PTN: variants seen among roughly 807,000 people sequenced by gnomAD.
The protein encoded by PTN is heparin affin regulatory protein.
In PTN, 18 loss-of-function variants were observed where a neutral mutation model predicts 24.1. That is an observed-to-expected ratio of 0.75 (90% CI 0.52 to 1.11). The LOEUF (loss-of-function observed/expected upper bound fraction) is 1.11, where lower values mean the gene tolerates loss of function less well. Ranked by LOEUF, PTN falls within the 50% of genes least tolerant of loss-of-function variation. The pLI, the probability that PTN is intolerant of heterozygous loss-of-function variation, is 0.00. For missense variants in PTN, 163 were observed against 198.8 expected (o/e 0.82, Z 1.08); for synonymous variants, 78 against 68.6 (o/e 1.14, Z -0.67).
intron 4 of PTN, among the ~76,000 whole-genome samples, chr7:137,243,929 G>A (rs1808677414): frequency 6.6e-6 from 1 of 152,126 alleles, no homozygotes; most frequent in South Asian, 2.1e-4. Flanking sequence ...ATTATTCCTG[G>A]TCTTGCGGCA....
intron 4 of PTN, among the ~76,000 whole-genome samples, chr7:137,248,370 C>T (rs1400703242): frequency 6.6e-6 from 1 of 152,038 alleles, no homozygotes; most frequent in African/African-American, 2.4e-5. Flanking sequence ...GACACATCTC[C>T]CTGGTTCAAC....
chr7:137,262,308 T>C (rs1030000405), intron 1 of PTN, among the ~76,000 whole-genome samples: 8 of 152,190 alleles, frequency 5.3e-5, no homozygotes, highest in Non-Finnish European at 8.8e-5. Context: ...CTTCAATTTA[T>C]CTTAAGGTAT....
intron 4 of PTN, among the ~76,000 whole-genome samples, chr7:137,234,189 C>T (rs943635128): frequency 1.3e-5 from 2 of 151,874 alleles, no homozygotes; most frequent in Non-Finnish European, 2.9e-5. Flanking sequence ...AAGTAATATT[C>T]CTTTATATTA....
At chr7:137,267,448 G>C (rs1375236622) in intron 1 of PTN, among the ~76,000 whole-genome samples, 1 of 152,036 alleles carries the variant, frequency 6.6e-6, no homozygotes, top group African/African-American at 2.4e-5. Context: ...ACGGAAACTG[G>C]TCTGCGTGCC....
At position 137,329,945 on chromosome 7, in the gene PTN, G is replaced by A. The variant is rs944183365; in HGVS notation, c.-2+13494C>T. Among the ~76,000 whole-genome samples, 4 of 152,154 alleles carry A rather than the reference G, an allele frequency of 2.6e-5. No homozygotes were observed. The East Asian group carries it at 5.8e-4, about 22-fold the overall frequency. On this transcript the variant is annotated intron_variant, in intron 1 of 4. Coordinates refer to ENST00000348225, the MANE Select transcript of PTN (RefSeq NM_002825.7). ...TCCTTTAAGTATAAAAGACAGTAAT[G>A]CAAGATTAGCAATTCAAGTAGCTTC...
chr7:137,280,691 T>TAACAAAAAAAAAAAAAAAAAAAAAA (rs760779128), intron 1 of PTN, among the ~76,000 whole-genome samples: 4 of 14,748 alleles, frequency 2.7e-4, no homozygotes, highest in African/African-American at 7.2e-4. Flanking sequence ...CCGTCTCTAC[T>TAACAAAAAAAAAAAAAAAAAAAAAA]AAAAATACAA....
Position 137,343,725 on chromosome 7 carries a change from A to G in PTN, c.-288T>C. The G allele has an allele frequency of 2.2e-6, 1 of 457,428 alleles. No homozygotes were observed. The allele number at this position is 457,428 out of a possible 1,614,324, so 28.3% of individuals were successfully genotyped here. A position where few individuals can be genotyped will look rare whatever the true frequency, so the allele number is the denominator to read the frequency against. On this transcript the variant is annotated 5_prime_UTR_variant, in exon 1 of 5. Coordinates refer to ENST00000348225, the MANE Select transcript of PTN (RefSeq NM_002825.7). ...CTGACAGGGAGGGAACGGAAGGGAA[A>G]TGGAGAATGGGAGGGATGAGAGGAG...
intron 1 of PTN, among the ~76,000 whole-genome samples, chr7:137,275,967 A>G (rs1294496056): frequency 6.6e-6 from 1 of 152,228 alleles, no homozygotes; most frequent in Non-Finnish European, 1.5e-5. Flanking sequence ...TAAAAACATA[A>G]TTAACAAAAC....
chr7:137,285,020 G>A (rs902209302), intron 1 of PTN, among the ~76,000 whole-genome samples: 2 of 151,996 alleles, frequency 1.3e-5, no homozygotes, highest in African/African-American at 4.8e-5. Flanking sequence ...TTGGTTCATA[G>A]GATACACTGA....
chr7:137,321,498 C>A (rs1810162329), intron 1 of PTN, among the ~76,000 whole-genome samples: 1 of 152,124 alleles, frequency 6.6e-6, no homozygotes, highest in African/African-American at 2.4e-5. Flanking sequence ...TTTCTTCTGG[C>A]ACTAATAGTG....
intron 1 of PTN, among the ~76,000 whole-genome samples, chr7:137,257,941 T>C (rs1808963820): frequency 6.6e-6 from 1 of 152,114 alleles, no homozygotes; most frequent in South Asian, 2.1e-4. Context: ...TTGGCAGAAA[T>C]AGAAAGACTC....
intron 1 of PTN, among the ~76,000 whole-genome samples, chr7:137,270,543 T>C (rs2128874314): frequency 6.6e-6 from 1 of 152,344 alleles, no homozygotes; most frequent in South Asian, 2.1e-4. Context: ...TATTGACTCA[T>C]GGTAATATTA....
chr7:137,253,136 T>C (rs560499186), intron 3 of PTN, among the ~76,000 whole-genome samples: 130 of 152,308 alleles, frequency 8.5e-4, no homozygotes, highest in African/African-American at 2.9e-3. Context: ...AAGGCAGTGG[T>C]TCCCAACCAG....
chr7:137,249,596 A>C (rs1808786299), intron 4 of PTN, among the ~76,000 whole-genome samples: 1 of 152,156 alleles, frequency 6.6e-6, no homozygotes, highest in Non-Finnish European at 1.5e-5. Flanking sequence ...TTGGTTCTAC[A>C]GCTGGACTAA....
At chr7:137,330,222 G>T (rs1810328831) in intron 1 of PTN, among the ~76,000 whole-genome samples, 1 of 152,058 alleles carries the variant, frequency 6.6e-6, no homozygotes, top group South Asian at 2.1e-4. Flanking sequence ...GGAGGTGGAG[G>T]TTGCAGTGAG....
At chr7:137,236,256 T>C (rs1174181109) in intron 4 of PTN, 5 of 702,192 alleles carry the variant, frequency 7.1e-6, no homozygotes, top group South Asian at 4.4e-5. Flanking sequence ...TAAGAAGGAA[T>C]TGAGATATCT....
chr7:137,273,441 C>T (rs768313168), intron 1 of PTN, among the ~76,000 whole-genome samples: 7 of 152,146 alleles, frequency 4.6e-5, no homozygotes, highest in Non-Finnish European at 8.8e-5. Flanking sequence ...TTCAGCATGG[C>T]TGGGGAAGCT....
At chr7:137,276,206 G>A (rs1472702406) in intron 1 of PTN, among the ~76,000 whole-genome samples, 1 of 152,148 alleles carries the variant, frequency 6.6e-6, no homozygotes, top group African/African-American at 2.4e-5. Flanking sequence ...TTTGAAGACG[G>A]ATCTAAATTT....
At chr7:137,341,863 A>C (rs998603264) in intron 1 of PTN, among the ~76,000 whole-genome samples, 6 of 152,132 alleles carry the variant, frequency 3.9e-5, no homozygotes, top group African/African-American at 1.2e-4. Flanking sequence ...TTTTTTAAAT[A>C]ATATAATTTT....
Sources: allele counts gnomAD v4.1 joint callset (sites outside exome capture counted in the v4.1 genomes callset), GRCh38; gene constraint gnomAD v4.1.1; transcripts MANE v1.5; gene names NCBI Gene and HGNC (gene_info 2026-07-23, HGNC 2026-07-21).